Variants in SLC6A13 observed in about 807,000 individuals in gnomAD.
SLC6A13 encodes solute carrier family 6 member 13.
In SLC6A13, 69 loss-of-function variants were observed where a neutral mutation model predicts 72.9. The ratio of observed to expected loss-of-function variants is 0.95; its 90% CI spans 0.78 to 1.16. SLC6A13 has a LOEUF of 1.16. SLC6A13 is among the 50% of genes most tolerant of loss of function. SLC6A13 has a pLI of 0.00. For missense variants in SLC6A13, 735 were observed against 760.5 expected, an observed-to-expected ratio of 0.97 and a Z score of 0.39; for synonymous variants, 303 against 303.0, an observed-to-expected ratio of 1.00 and a Z score of 0.00.
At chr12:228,802 T>G (rs1941584000) in intron 7 of SLC6A13, among the ~76,000 whole-genome samples, 1 of 152,168 alleles carries the variant, frequency 6.6e-6, no homozygotes, top group African/African-American at 2.4e-5. Context: ...ATCACGCTGA[T>G]TCCTCAGCCA....
At position 254,662 on chromosome 12, in the gene SLC6A13, C is replaced by A. The variant is rs911657650; in HGVS notation, c.202+5189G>T. On this transcript the variant is annotated intron_variant, in intron 2 of 14. Coordinates refer to ENST00000343164, the MANE Select transcript of SLC6A13 (RefSeq NM_016615.5). The surrounding 1 kb of genome is among the most constrained non-coding windows in gnomAD (Gnocchi z 4.4). The stretch of plus-strand genomic sequence containing the variant: ...GGTTTCCCATCTTCTCCCAGACCCA[C>A]TAAAGGTCCTTACTTTCTTTTCTTA... Among the ~76,000 whole-genome samples the A allele has an allele frequency of 6.6e-6, 1 of 152,218 alleles. No individual in the cohort carries two copies. Among genetic ancestry groups the A allele is most frequent in the Non-Finnish European group, 1.5e-5 (1 of 68,038 alleles).
chr12:261,691 C>T (rs746183986), intron 1 of SLC6A13, among the ~76,000 whole-genome samples: 2 of 152,130 alleles, frequency 1.3e-5, no homozygotes, highest in African/African-American at 2.4e-5. Context: ...CTTGGGAGGC[C>T]GAGGCGGGTG....
intron 2 of SLC6A13, among the ~76,000 whole-genome samples, chr12:255,567 G>A (rs1049696442): frequency 2.0e-5 from 3 of 152,228 alleles, no homozygotes; most frequent in African/African-American, 7.2e-5. Context: ...GTGTTGGCGC[G>A]CGCCTGTAGT....
At chr12:262,425 C>T (rs766141859) in intron 1 of SLC6A13, among the ~76,000 whole-genome samples, 3 of 152,192 alleles carry the variant, frequency 2.0e-5, no homozygotes, top group Non-Finnish European at 4.4e-5. Context: ...CATATGTATA[C>T]ACACTTAATA....
intron 7 of SLC6A13, among the ~76,000 whole-genome samples, chr12:234,452 G>A (rs1355892794): frequency 6.6e-6 from 1 of 152,120 alleles, no homozygotes; most frequent in Non-Finnish European, 1.5e-5. Flanking sequence ...CCTGCCTATG[G>A]AGTAGCCATT....
intron 4 of SLC6A13, among the ~76,000 whole-genome samples, chr12:239,238 TCC>T: frequency 3.1e-5 from 1 of 32,364 alleles, no homozygotes; most frequent in Admixed American, 2.4e-4. Context: ...TTGGATCCAT[TCC>T]CACACCATTC....
rs771019362 is a variant in SLC6A13 at position 222,512 on chromosome 12, T to C, written c.1515+20A>G. On this transcript the variant is annotated intron_variant, in intron 13 of 14. Transcript: ENST00000343164. ...GTCTCTCCCTCCCTTCATCTGACTTTATCCCTGAAATGATCTTACTGTGCA... is the reference window on the plus strand; with the variant it reads ...GTCTCTCCCTCCCTTCATCTGACTTCATCCCTGAAATGATCTTACTGTGCA... 1 of 1,531,380 alleles carries C rather than the reference T, an allele frequency of 6.5e-7. No individual in the cohort carries two copies. Among genetic ancestry groups the C allele is most frequent in the South Asian group, 1.2e-5 (1 of 85,900 alleles). 94.9% of individuals were successfully genotyped at this position (1,531,380 alleles called of 1,614,324 possible).
chr12:224,470 C>A lies in SLC6A13; in HGVS notation c.1104G>T (p.Met368Ile). 6.2e-7 allele frequency: 1 copy of A among 1,614,130 alleles called. No individual in the cohort carries two copies. Among genetic ancestry groups the A allele is most frequent in the Non-Finnish European group, 8.5e-7 (1 of 1,180,036 alleles). The change falls in exon 10 of 15, where the codon ATG becomes ATT. Residue 368 changes from methionine to isoleucine, a missense_variant. Physicochemically the swap from Met to Ile is conservative, Grantham distance 10. Coordinates refer to ENST00000343164, the MANE Select transcript of SLC6A13 (RefSeq NM_016615.5). ...AFIAYPRAVV[M>I]LPFSPLWACC... ...AGGCCCAGAGAGGAGAGAAGGGCAG[C>A]ATCACCACAGCCCGCGGGTAAGCGA...
rs755879266 is a variant in SLC6A13, at chr12:238,238, A to G, written c.479-228T>C. The G allele has an allele frequency of 4.4e-4, 658 of 1,506,830 alleles. 5 individuals carry two copies. Among genetic ancestry groups the G allele is most frequent in the Admixed American group, 3.0e-4 (15 of 49,936 alleles). The allele number at this position is 1,506,830 out of a possible 1,614,324, so 93.3% of individuals were successfully genotyped here. On this transcript the variant is annotated intron_variant, in intron 4 of 14. Transcript: ENST00000343164. ...TGGGTACATAGATGCTTGGGTATACATTCTCCTCAAGCATGATCAGATGGC... is the reference window on the plus strand; with the variant it reads ...TGGGTACATAGATGCTTGGGTATACGTTCTCCTCAAGCATGATCAGATGGC...
intron 4 of SLC6A13, 75 bp from the exon 5 acceptor site, chr12:238,085 G>A (rs1414291351): frequency 6.3e-7 from 1 of 1,581,730 alleles, no homozygotes; most frequent in Admixed American, 1.7e-5. Flanking sequence ...AGAGTGGGGT[G>A]AAATTCTAGG....
chr12:235,622 A>G (rs1941903273), intron 6 of SLC6A13, among the ~76,000 whole-genome samples: 1 of 152,146 alleles, frequency 6.6e-6, no homozygotes, highest in Non-Finnish European at 1.5e-5. Context: ...CGTATGTTTG[A>G]ACAATATGAA....
At chr12:222,474 C>A in intron 13 of SLC6A13, 58 bp downstream of exon 13, 1 of 1,108,662 alleles carries the variant, frequency 9.0e-7, no homozygotes, top group Non-Finnish European at 1.3e-6. Flanking sequence ...CTTCTCTACC[C>A]CTGCTAGCCA....
chr12:227,994 T>G (rs770488916), intron 7 of SLC6A13, among the ~76,000 whole-genome samples: 15 of 152,144 alleles, frequency 9.9e-5, no homozygotes, highest in Non-Finnish European at 2.1e-4. Context: ...GTCAGGTTTT[T>G]GATCCTAGGT....
intron 2 of SLC6A13, among the ~76,000 whole-genome samples, chr12:252,887 C>T (rs1347238813): frequency 6.9e-6 from 1 of 144,660 alleles, no homozygotes; most frequent in African/African-American, 2.5e-5. Context: ...GGCAGCCTGC[C>T]AAGAGGGACA....
intron 2 of SLC6A13, 121 bp downstream of exon 2, chr12:259,729 GC>G: frequency 6.3e-7 from 1 of 1,598,606 alleles, no homozygotes; most frequent in East Asian, 2.2e-5. Flanking sequence ...TGACCTCTAA[GC>G]GTCCTCCTAC....
At chr12:250,970 C>T (rs930054897) in intron 2 of SLC6A13, among the ~76,000 whole-genome samples, 3 of 151,454 alleles carry the variant, frequency 2.0e-5, no homozygotes, top group Non-Finnish European at 2.9e-5. Flanking sequence ...TCCTGGCCAA[C>T]ACGGTGAAAC....
In SLC6A13 at chr12:238,405, C is replaced by T. The variant is rs1233345738; in HGVS notation, c.479-395G>A. 1.1e-5 allele frequency: 13 copies of T among 1,206,698 alleles called. No homozygotes were observed. The East Asian group carries it at 6.1e-4, about 57-fold the overall frequency. 74.7% of individuals were successfully genotyped at this position (1,206,698 alleles called of 1,614,324 possible). On this transcript the variant is annotated intron_variant, in intron 4 of 14. Transcript: ENST00000343164. The stretch of plus-strand genomic sequence containing the variant: ...GTGGCCGAGAGCGCAGGTTGGAAAG[C>T]TCTGGCTTGAATGCTGACCCCACGG...
chr12:252,156 C>T (rs1223796249), intron 2 of SLC6A13, among the ~76,000 whole-genome samples: 1 of 152,172 alleles, frequency 6.6e-6, no homozygotes, highest in Non-Finnish European at 1.5e-5. Flanking sequence ...TCATAATTAT[C>T]AACATACCAT....
At position 254,599 on chromosome 12, in the gene SLC6A13, C is replaced by A. The variant is rs781603322; in HGVS notation, c.202+5252G>T. ...AACACTTCATTCTCTTGGTTTTCAT[C>A]CTGCTTTACCAGTTTCTCATTTTCT... On this transcript the variant is annotated intron_variant, in intron 2 of 14. Coordinates refer to ENST00000343164, the MANE Select transcript of SLC6A13 (RefSeq NM_016615.5). This position sits in a 1 kb window ranked among gnomAD's most constrained non-coding sequence, Gnocchi z 4.4. Among the ~76,000 whole-genome samples, 1 of 152,176 alleles carries A rather than the reference C, an allele frequency of 6.6e-6. No homozygotes were observed. The highest frequency in any genetic ancestry group is 2.4e-5 in the African/African-American group (1 of 41,438).
Sources: allele counts gnomAD v4.1 joint callset (sites outside exome capture counted in the v4.1 genomes callset), GRCh38; gene constraint gnomAD v4.1.1; non-coding constraint Gnocchi (gnomAD v3.1); transcripts MANE v1.5; gene names NCBI Gene and HGNC (gene_info 2026-07-23, HGNC 2026-07-21).